EPHA4: variants seen among roughly 807,000 people sequenced by gnomAD.
EPHA4 encodes ephrin type-A receptor 4.
In EPHA4, 19 loss-of-function variants were observed where a neutral mutation model predicts 108.3. The observed-to-expected ratio is 0.18, with a 90% confidence interval of 0.12 to 0.26. The LOEUF is 0.26. Among genes scored for constraint, EPHA4 ranks in the 10% least tolerant of loss-of-function variants. The pLI is 1.00. For missense variants in EPHA4, 917 were observed against 1,254.0 expected, an observed-to-expected ratio of 0.73 and a Z score of 4.06; for synonymous variants, 449 against 455.5, an observed-to-expected ratio of 0.99 and a Z score of 0.18.
At chr2:221,463,690 T>C (rs937666833) in intron 5 of EPHA4, among the ~76,000 whole-genome samples, 1 of 152,232 alleles carries the variant, frequency 6.6e-6, no homozygotes, top group Non-Finnish European at 1.5e-5. Flanking sequence ...ACGTGAATGC[T>C]GCAATTTTCT....
chr2:221,434,843 C>T (rs1690181424), intron 13 of EPHA4, among the ~76,000 whole-genome samples: 1 of 151,834 alleles, frequency 6.6e-6, no homozygotes, highest in Non-Finnish European at 1.5e-5. Flanking sequence ...ATACCAGATA[C>T]TAGAGCTATT....
In EPHA4 at chr2:221,563,482, T is replaced by A. The variant is rs1694526886; in HGVS notation, c.823+249A>T. ...ATTTCAGAGGGCGCATCAAGCCAGT[T>A]CAGATATAAGTGCCTGTTAGCAAAT... On this transcript the variant is annotated intron_variant, in intron 3 of 17. Coordinates refer to ENST00000281821, the MANE Select transcript of EPHA4 (RefSeq NM_004438.5). Among the ~76,000 whole-genome samples, 3 of 152,332 alleles carry A rather than the reference T, an allele frequency of 2.0e-5. No individual in the cohort carries two copies. The South Asian group carries it at 6.2e-4, about 32-fold the overall frequency.
intron 3 of EPHA4, among the ~76,000 whole-genome samples, chr2:221,523,152 T>G (rs1693224010): frequency 6.6e-6 from 1 of 152,164 alleles, no homozygotes; most frequent in Non-Finnish European, 1.5e-5. Context: ...AAGAGAACAC[T>G]GGCGATCAGT....
intron 5 of EPHA4, among the ~76,000 whole-genome samples, chr2:221,478,470 G>A (rs904624446): frequency 6.6e-6 from 1 of 152,162 alleles, no homozygotes; most frequent in African/African-American, 2.4e-5. Flanking sequence ...AAAGATGAAG[G>A]AAACTGGAAT....
At chr2:221,491,061 T>G (rs1692128468) in intron 4 of EPHA4, among the ~76,000 whole-genome samples, 1 of 152,232 alleles carries the variant, frequency 6.6e-6, no homozygotes. Context: ...GTTCATTTCT[T>G]GTTGTGAGAC....
In EPHA4 at chr2:221,430,085, G is replaced by T. The variant is rs1326256676; in HGVS notation, c.2563C>A (p.Gln855Lys). Residue 855 changes from glutamine (Q) to lysine (K), a missense_variant, in exon 15 of 18, where the codon CAG (glutamine) becomes AAG (lysine). Gln to Lys is a moderately conservative substitution (Grantham distance 53, BLOSUM62 1). Transcript: ENST00000281821. ...TTCTGCCAGCAGTCTAGCATCAGCTGGTGGAGCGCAATGGGGCAGTCCATT... is the reference window on the plus strand; with the variant it reads ...TTCTGCCAGCAGTCTAGCATCAGCTTGTGGAGCGCAATGGGGCAGTCCATT... ...PPMDCPIALH[Q>K]LMLDCWQKER... 6.2e-7 allele frequency: 1 copy of T among 1,613,822 alleles called. No homozygotes were observed. Among genetic ancestry groups the T allele is most frequent in the African/African-American group, 1.3e-5 (1 of 75,038 alleles).
chr2:221,455,456 T>G, intron 8 of EPHA4, 91 bp downstream of exon 8: 1 of 1,001,932 alleles, frequency 1.0e-6, no homozygotes, highest in Non-Finnish European at 1.5e-6. Context: ...TATGACGCAA[T>G]CAAAAGCCTT....
At chr2:221,497,326 T>C (rs748593872) in intron 4 of EPHA4, among the ~76,000 whole-genome samples, 1 of 152,190 alleles carries the variant, frequency 6.6e-6, no homozygotes, top group African/African-American at 2.4e-5. Flanking sequence ...ATCACAGTGT[T>C]GGTCAGTGGT....
intron 5 of EPHA4, among the ~76,000 whole-genome samples, chr2:221,467,000 G>T (rs564977933): frequency 3.9e-5 from 6 of 152,172 alleles, no homozygotes; most frequent in Non-Finnish European, 8.8e-5. Context: ...AGGTACAGGG[G>T]TATCTGTGTA....
Position 221,564,282 on chromosome 2 carries a change from C to A in EPHA4, c.272G>T (p.Arg91Leu). ...NNWLRTDWIT[R>L]EGAQRVYIEI... Reference sequence around the variant, plus strand: ...AATATACACCCTCTGAGCCCCTTCTCGGGTGATCCAATCAGTTCGTAGCCA... The same window carrying A: ...AATATACACCCTCTGAGCCCCTTCTAGGGTGATCCAATCAGTTCGTAGCCA... The change falls in exon 3 of 18, where the codon CGA (arginine) becomes CTA (leucine). Residue 91 changes from arginine to leucine, a missense_variant. Arg to Leu is a moderately radical substitution (Grantham distance 102). Coordinates refer to ENST00000281821, the MANE Select transcript of EPHA4 (RefSeq NM_004438.5). 1 of 1,614,146 alleles carries A rather than the reference C, an allele frequency of 6.2e-7. No homozygotes were observed. Among genetic ancestry groups the A allele is most frequent in the Non-Finnish European group, 8.5e-7 (1 of 1,180,016 alleles).
At chr2:221,520,539 CACACAG>C (rs1356731318) in intron 3 of EPHA4, among the ~76,000 whole-genome samples, 609 of 32,774 alleles carry the variant, frequency 0.019, 4 homozygotes, top group African/African-American at 0.11. Context: ...CACACACACA[CACACAG>C]AGAGAGAGAG....
At chr2:221,465,114 T>G (rs1691264522) in intron 5 of EPHA4, among the ~76,000 whole-genome samples, 1 of 152,106 alleles carries the variant, frequency 6.6e-6, no homozygotes, top group Non-Finnish European at 1.5e-5. Flanking sequence ...TACTATAAAA[T>G]AAAGCAGTGC....
chr2:221,499,087 A>T (rs1320379330), intron 4 of EPHA4, among the ~76,000 whole-genome samples: 1 of 150,928 alleles, frequency 6.6e-6, no homozygotes, highest in East Asian at 1.9e-4. Context: ...ACTGCATCTA[A>T]CCTTTTTAAC....
chr2:221,471,249 A>T (rs991234219), intron 5 of EPHA4, among the ~76,000 whole-genome samples: 11 of 152,052 alleles, frequency 7.2e-5, no homozygotes, highest in East Asian at 3.9e-4. Flanking sequence ...TATTTTTTTA[A>T]AAAAAGGAAG....
At chr2:221,466,111 G>A (rs1031912255) in intron 5 of EPHA4, among the ~76,000 whole-genome samples, 10 of 152,118 alleles carry the variant, frequency 6.6e-5, no homozygotes, top group African/African-American at 2.2e-4. Flanking sequence ...GGCTTCCCAC[G>A]GACAAAATCA....
rs576670980 is a variant in EPHA4, at chr2:221,551,253, T to C, written c.823+12478A>G. Among the ~76,000 whole-genome samples, 11 of 152,254 alleles carry C rather than the reference T, an allele frequency of 7.2e-5. No homozygotes were observed. In the South Asian group the frequency reaches 2.3e-3, roughly 32 times the overall value. ...AAGATAGTTCAATAAGAAGATTGGA[T>C]GTAAGATAAACATACAAAAATCAAT... On this transcript the variant is annotated intron_variant, in intron 3 of 17. Transcript: ENST00000281821.
chr2:221,506,225 G>T (rs1457325430), intron 3 of EPHA4, among the ~76,000 whole-genome samples: 2 of 152,002 alleles, frequency 1.3e-5, no homozygotes, highest in Non-Finnish European at 2.9e-5. Context: ...ATCTATGTTA[G>T]AAATATCAAA....
At chr2:221,523,576 C>T (rs757002456) in intron 3 of EPHA4, among the ~76,000 whole-genome samples, 1 of 151,012 alleles carries the variant, frequency 6.6e-6, no homozygotes, top group East Asian at 2.0e-4. Context: ...CATGAGCCAC[C>T]GTGCCTGGCC....
At chr2:221,464,093 A>G (rs1691231773) in intron 5 of EPHA4, among the ~76,000 whole-genome samples, 2 of 152,174 alleles carry the variant, frequency 1.3e-5, no homozygotes. Context: ...CATGGATGTC[A>G]GTGGTACACA....
Sources: allele counts gnomAD v4.1 joint callset (sites outside exome capture counted in the v4.1 genomes callset), GRCh38; gene constraint gnomAD v4.1.1; transcripts MANE v1.5; gene names NCBI Gene and HGNC (gene_info 2026-07-23, HGNC 2026-07-21).